Variants in AKAP13 observed in about 807,000 individuals in gnomAD.
AKAP13 encodes A-kinase anchor protein 13.
A neutral mutation model predicts 264.5 loss-of-function variants in AKAP13; 80 were observed. The ratio of observed to expected loss-of-function variants is 0.30; its 90% CI spans 0.25 to 0.36. The LOEUF (loss-of-function observed/expected upper bound fraction) is 0.36, where lower values mean the gene tolerates loss of function less well. Among genes scored for constraint, AKAP13 ranks in the 10% least tolerant of loss-of-function variants. AKAP13 has a pLI of 1.00. For synonymous variants in AKAP13, 1,380 were observed against 1,250.2 expected (o/e 1.10, Z -2.19); for missense variants, 3,712 against 3,435.2 (o/e 1.08, Z -2.01).
chr15:85,710,987 C>A (rs1219158360), intron 19 of AKAP13, among the ~76,000 whole-genome samples: 2 of 151,274 alleles, frequency 1.3e-5, no homozygotes, highest in African/African-American at 4.9e-5. Flanking sequence ...TCATACAAAT[C>A]AAATGAGATC....
At chr15:85,653,257 T>A (rs2082945253) in intron 10 of AKAP13, among the ~76,000 whole-genome samples, 2 of 152,254 alleles carry the variant, frequency 1.3e-5, no homozygotes, top group Non-Finnish European at 1.5e-5. Context: ...GACTTTGATA[T>A]CTTGTTCTTA....
At chr15:85,474,367 C>G (rs1165974313) in intron 1 of AKAP13, among the ~76,000 whole-genome samples, 3 of 152,166 alleles carry the variant, frequency 2.0e-5, no homozygotes, top group Non-Finnish European at 2.9e-5. Flanking sequence ...TCTGTATTGA[C>G]CTGGCATCAG....
At chr15:85,655,827 C>A in intron 11 of AKAP13, 40 bp downstream of exon 11, 2 of 1,557,352 alleles carry the variant, frequency 1.3e-6, no homozygotes, top group Non-Finnish European at 8.7e-7. Context: ...TCAGTGTCTG[C>A]TTGCTTTTGA....
chr15:85,603,877 T>G (rs1044538963), intron 8 of AKAP13, among the ~76,000 whole-genome samples: 1 of 152,180 alleles, frequency 6.6e-6, no homozygotes, highest in Non-Finnish European at 1.5e-5. Flanking sequence ...CCAGTGGAAT[T>G]GCAGTGTATC....
intron 2 of AKAP13, among the ~76,000 whole-genome samples, chr15:85,513,018 G>T (rs1476934208): frequency 6.6e-6 from 1 of 151,902 alleles, no homozygotes; most frequent in East Asian, 1.9e-4. Flanking sequence ...CACCATGCCC[G>T]GCTAATTTTT....
chr15:85,635,628 T>G (rs951880395), intron 8 of AKAP13, among the ~76,000 whole-genome samples: 2 of 152,166 alleles, frequency 1.3e-5, no homozygotes, highest in Non-Finnish European at 2.9e-5. Context: ...AATCTTTGTG[T>G]AACCGAAGTT....
intron 33 of AKAP13, among the ~76,000 whole-genome samples, chr15:85,737,886 A>T (rs1056186725): frequency 6.6e-6 from 1 of 151,788 alleles, no homozygotes; most frequent in African/African-American, 2.4e-5. Flanking sequence ...TGATCTGCCT[A>T]CCTCAGCCTC....
At chr15:85,578,761 A>G (rs1315300373) in intron 6 of AKAP13, among the ~76,000 whole-genome samples, 169 bp from the exon 7 acceptor site, 1 of 152,122 alleles carries the variant, frequency 6.6e-6, no homozygotes, top group Admixed American at 6.5e-5. Context: ...GGAAAGTAAT[A>G]TCAGAAATAA....
chr15:85,433,852 A>C (rs1420510797), intron 1 of AKAP13, among the ~76,000 whole-genome samples: 4 of 151,988 alleles, frequency 2.6e-5, no homozygotes, highest in Non-Finnish European at 5.9e-5. Flanking sequence ...GAGGCAGGAG[A>C]ATCACTTGAA....
chr15:85,628,098 G>T (rs1427985905), intron 8 of AKAP13, among the ~76,000 whole-genome samples: 2 of 152,178 alleles, frequency 1.3e-5, no homozygotes, highest in African/African-American at 4.8e-5. Flanking sequence ...TATAGGCCAT[G>T]GTTTGTGGAG....
intron 25 of AKAP13, among the ~76,000 whole-genome samples, chr15:85,722,651 G>A (rs2087361726): frequency 6.6e-6 from 1 of 152,008 alleles, no homozygotes; most frequent in Non-Finnish European, 1.5e-5. Flanking sequence ...TGCTAGAATT[G>A]CTGCTGTTTT....
At chr15:85,504,889 C>G (rs985124873) in intron 2 of AKAP13, among the ~76,000 whole-genome samples, 1 of 151,966 alleles carries the variant, frequency 6.6e-6, no homozygotes, top group African/African-American at 2.4e-5. Context: ...CTTGCTCTCT[C>G]GCTCTTGCTC....
chr15:85,552,740 G>C (rs1220392244), intron 5 of AKAP13, among the ~76,000 whole-genome samples: 1 of 142,702 alleles, frequency 7.0e-6, no homozygotes, highest in Middle Eastern at 3.8e-3. Context: ...TGATTCTTTT[G>C]CCTCAGCCTC....
At chr15:85,666,017 T>C (rs1403460603) in intron 13 of AKAP13, among the ~76,000 whole-genome samples, 2 of 152,238 alleles carry the variant, frequency 1.3e-5, no homozygotes, top group Non-Finnish European at 2.9e-5. Flanking sequence ...GTAGCTTGAT[T>C]TATAATCCTT....
Position 85,510,633 on chromosome 15 carries a change from T to C in AKAP13, c.34-10795T>C, listed in dbSNP as rs565741478. ...TGAAAATCCTTTAATTAATGCAGGC[T>C]AGGTTTCCACCTGATTATCACAGAT... On this transcript the variant is annotated intron_variant, in intron 2 of 36. Coordinates refer to ENST00000394518, the MANE Select transcript of AKAP13 (RefSeq NM_007200.5). 5.9e-5 allele frequency among the ~76,000 whole-genome samples: 9 copies of C among 152,338 alleles called. No homozygotes were observed. In the South Asian group the frequency reaches 1.9e-3, roughly 32 times the overall value.
At chr15:85,728,798 T>C (rs1428749580) in intron 29 of AKAP13, among the ~76,000 whole-genome samples, 2 of 151,870 alleles carry the variant, frequency 1.3e-5, no homozygotes, top group African/African-American at 4.8e-5. Flanking sequence ...GATCTTAAGC[T>C]GGAAATGCAC....
At chr15:85,418,261 T>A (rs899480618) in intron 1 of AKAP13, among the ~76,000 whole-genome samples, 4 of 152,044 alleles carry the variant, frequency 2.6e-5, no homozygotes, top group Non-Finnish European at 5.9e-5. Context: ...TATTTTGTTT[T>A]GTATAGACAG....
chr15:85,645,813 T>C lies in AKAP13; in HGVS notation c.4238-5T>C, dbSNP rs751161983. 1.1e-5 allele frequency: 17 copies of C among 1,585,918 alleles called. No individual in the cohort carries two copies. The highest frequency in any genetic ancestry group is 1.5e-5 in the Non-Finnish European group (17 of 1,172,308). ...CAATATTGGTGAATAAATTCTCTTT[T>C]TCAGAATGTGAGAACTTCCTGGATG... On this transcript the variant is annotated splice_polypyrimidine_tract_variant and splice_region_variant and intron_variant, in intron 9 of 36. Coordinates refer to ENST00000394518, the MANE Select transcript of AKAP13 (RefSeq NM_007200.5).
intron 2 of AKAP13, among the ~76,000 whole-genome samples, chr15:85,517,275 C>T (rs2076638496): frequency 6.6e-6 from 1 of 152,168 alleles, no homozygotes; most frequent in South Asian, 2.1e-4. Context: ...GTTCAAAGCC[C>T]ATTTCTTTCC....
Sources: gnomAD v4.1 joint callset for allele counts (sites outside exome capture counted in the v4.1 genomes callset) on GRCh38, gnomAD v4.1.1 for gene constraint, MANE v1.5 for transcripts, NCBI Gene and HGNC (gene_info 2026-07-23, HGNC 2026-07-21) for gene names.